Variants in RHOU observed in about 807,000 individuals in gnomAD.
RHOU encodes the protein rho-related GTP-binding protein RhoU.
RHOU carries 8 observed loss-of-function variants against 12.6 expected under a neutral mutation model. The ratio of observed to expected loss-of-function variants is 0.64; its 90% CI spans 0.37 to 1.15. RHOU has a LOEUF of 1.15. Among genes scored for constraint, RHOU ranks in the 50% most tolerant of loss-of-function variants. The pLI is 0.01. For synonymous variants in RHOU, 161 were observed against 147.4 expected, an observed-to-expected ratio of 1.09 and a Z score of -0.67; for missense variants, 258 against 347.0, an observed-to-expected ratio of 0.74 and a Z score of 2.04.
upstream of RHOU, among the ~76,000 whole-genome samples, chr1:228,731,751 G>A (rs928581198): frequency 6.6e-6 from 1 of 152,020 alleles, no homozygotes; most frequent in Non-Finnish European, 1.5e-5. Context: ...CCAGGGGTGG[G>A]TTGCTGGAAG....
Position 228,743,191 on chromosome 1 carries a change from C to A in RHOU, c.322-94C>A. 8.7e-7 allele frequency: 1 copy of A among 1,148,232 alleles called. No homozygotes were observed. Among genetic ancestry groups the A allele is most frequent in the Non-Finnish European group, 1.3e-6 (1 of 783,804 alleles). 71.1% of individuals were successfully genotyped at this position (1,148,232 alleles called of 1,614,324 possible). A position where few individuals can be genotyped will look rare whatever the true frequency, so the allele number is the denominator to read the frequency against. Reference sequence around the variant, plus strand: ...TCTAGAACCAGCGGGTCTTCTATCACCTGCCAGACCCTTTCATGAAAAATG... The same window carrying A: ...TCTAGAACCAGCGGGTCTTCTATCAACTGCCAGACCCTTTCATGAAAAATG... On this transcript the variant is annotated intron_variant, in intron 2 of 2. Transcript: ENST00000366691. The surrounding 1 kb of genome is among the most constrained non-coding windows in gnomAD (Gnocchi z 5.1).
the RHOU span, among the ~76,000 whole-genome samples, chr1:228,720,264 AATTG>A: frequency 2.0e-5 from 3 of 152,214 alleles, no homozygotes; most frequent in African/African-American, 4.8e-5. Context: ...AACAACAGAA[AATTG>A]ATTATCATGT....
chr1:228,710,906 A>G, the RHOU span, among the ~76,000 whole-genome samples: 1 of 152,150 alleles, frequency 6.6e-6, no homozygotes, highest in African/African-American at 2.4e-5. Flanking sequence ...GTATATCTAG[A>G]AAACCCCATT....
chr1:228,720,957 G>A, the RHOU span, among the ~76,000 whole-genome samples: 291 of 152,294 alleles, frequency 1.9e-3, 1 homozygote, highest in Admixed American at 3.9e-3. Flanking sequence ...GGTTTGCACA[G>A]CAGTTGCCTC....
the RHOU span, among the ~76,000 whole-genome samples, chr1:228,657,847 T>A: frequency 2.0e-5 from 3 of 152,224 alleles, no homozygotes; most frequent in African/African-American, 7.2e-5. Flanking sequence ...CACAACAGAA[T>A]AGAGTTAAAA....
chr1:228,663,625 CTTTTTT>C, the RHOU span, among the ~76,000 whole-genome samples: 24 of 58,762 alleles, frequency 4.1e-4, no homozygotes, highest in African/African-American at 1.3e-3. Context: ...CTTTTCTTTT[CTTTTTT>C]TTTTTTTTTT....
At chr1:228,721,690 C>T in the RHOU span, among the ~76,000 whole-genome samples, 3 of 152,212 alleles carry the variant, frequency 2.0e-5, no homozygotes, top group African/African-American at 4.8e-5. Context: ...GACGGAGTTT[C>T]GCTCTGGTTG....
intron 2 of RHOU, among the ~76,000 whole-genome samples, chr1:228,740,152 A>G (rs1380152863): frequency 6.6e-6 from 1 of 152,248 alleles, no homozygotes; most frequent in Non-Finnish European, 1.5e-5. Flanking sequence ...GTTCCTGTTT[A>G]AAAATCAGGG....
At chr1:228,682,450 G>T in the RHOU span, among the ~76,000 whole-genome samples, 1 of 151,878 alleles carries the variant, frequency 6.6e-6, no homozygotes, top group African/African-American at 2.4e-5. Context: ...AGTCCAAAAA[G>T]AGAGTCAGCA....
chr1:228,689,398 TC>T, the RHOU span, among the ~76,000 whole-genome samples: 1 of 152,162 alleles, frequency 6.6e-6, no homozygotes, highest in Non-Finnish European at 1.5e-5. Flanking sequence ...ACATGATACT[TC>T]CATGACATCA....
chr1:228,721,911 C>T, the RHOU span, among the ~76,000 whole-genome samples: 3,964 of 152,318 alleles, frequency 0.026, 182 homozygotes, highest in African/African-American at 0.09. Flanking sequence ...CCTCAGCCTC[C>T]CAAATTGCTG....
the RHOU span, among the ~76,000 whole-genome samples, chr1:228,706,024 G>A: frequency 2.0e-5 from 3 of 151,998 alleles, no homozygotes; most frequent in African/African-American, 4.8e-5. Flanking sequence ...CAGCTTGGAC[G>A]AGAAAAGCAA....
chr1:228,712,813 TAATA>T, the RHOU span, among the ~76,000 whole-genome samples: 24 of 142,546 alleles, frequency 1.7e-4, no homozygotes, highest in East Asian at 2.0e-4. Context: ...AGTATAATAA[TAATA>T]AATAAATAAA....
the RHOU span, among the ~76,000 whole-genome samples, chr1:228,706,007 T>G: frequency 6.6e-6 from 1 of 152,078 alleles, no homozygotes; most frequent in Non-Finnish European, 1.5e-5. Flanking sequence ...ATTGCACCAT[T>G]GAACTTCAGC....
chr1:228,663,772 AC>A, the RHOU span, among the ~76,000 whole-genome samples: 1 of 149,548 alleles, frequency 6.7e-6, no homozygotes, highest in Non-Finnish European at 1.5e-5. Flanking sequence ...AGCTGGGATT[AC>A]GCGCGCGCGA....
At chr1:228,657,122 A>G in the RHOU span, among the ~76,000 whole-genome samples, 1 of 151,842 alleles carries the variant, frequency 6.6e-6, no homozygotes, top group South Asian at 2.1e-4. Context: ...CTAAAAATAC[A>G]AAAAATTAGC....
the RHOU span, among the ~76,000 whole-genome samples, chr1:228,649,259 T>G: frequency 6.6e-6 from 1 of 152,186 alleles, no homozygotes; most frequent in Non-Finnish European, 1.5e-5. Context: ...TTACTAATTT[T>G]GGGCACACAC....
chr1:228,723,597 C>CA, the RHOU span, among the ~76,000 whole-genome samples: 2 of 152,214 alleles, frequency 1.3e-5, no homozygotes, highest in Non-Finnish European at 2.9e-5. Context: ...TAATGGCCTG[C>CA]ATTTGCATAT....
Position 228,744,094 on chromosome 1 carries a change from A to G in RHOU, c.*354A>G. ...ACATTATAATGTACAGAAGAGCAAA[A>G]GGGAGGAACACTATGGTTAACCCTC... On this transcript the variant is annotated 3_prime_UTR_variant, in exon 3 of 3. Coordinates refer to ENST00000366691, the MANE Select transcript of RHOU (RefSeq NM_021205.6). 1 of 214,828 alleles carries G rather than the reference A, an allele frequency of 4.7e-6. No individual in the cohort carries two copies. Among genetic ancestry groups the G allele is most frequent in the African/African-American group, 2.3e-5 (1 of 42,628 alleles). The allele number at this position is 214,828 out of a possible 1,614,324, so 13.3% of individuals were successfully genotyped here.
Sources: allele counts gnomAD v4.1 joint callset (sites outside exome capture counted in the v4.1 genomes callset), GRCh38; gene constraint gnomAD v4.1.1; non-coding constraint Gnocchi (gnomAD v3.1); transcripts MANE v1.5; gene names NCBI Gene and HGNC (gene_info 2026-07-23, HGNC 2026-07-21).